KLRG1: variants seen among roughly 807,000 people sequenced by gnomAD.
The protein encoded by KLRG1 is killer cell lectin like receptor G1.
KLRG1 carries 16 observed loss-of-function variants against 21.8 expected under a neutral mutation model. The ratio of observed to expected loss-of-function variants is 0.73; its 90% CI spans 0.50 to 1.11. The LOEUF (loss-of-function observed/expected upper bound fraction) is 1.11, where lower values mean the gene tolerates loss of function less well. KLRG1 is among the 50% of genes most tolerant of loss of function. The probability of loss-of-function intolerance (pLI) is 0.00; values close to 1 mark genes in which losing one functional copy is unlikely to be tolerated. For synonymous variants in KLRG1, 69 were observed against 75.9 expected, an observed-to-expected ratio of 0.91 and a Z score of 0.47; for missense variants, 173 against 218.3, an observed-to-expected ratio of 0.79 and a Z score of 1.31.
chr12:8,967,134 A>G (rs986593001), intron 1 of KLRG1, among the ~76,000 whole-genome samples: 7 of 138,584 alleles, frequency 5.1e-5, no homozygotes, highest in South Asian at 2.4e-4. Flanking sequence ...GACTTGAACT[A>G]TGAGAACACA....
chr12:9,175,970 A>G, the KLRG1 span, among the ~76,000 whole-genome samples: 6 of 152,232 alleles, frequency 3.9e-5, no homozygotes, highest in Admixed American at 6.5e-5. Flanking sequence ...GTATAGCCAT[A>G]GGAATATAAA....
the KLRG1 span, among the ~76,000 whole-genome samples, chr12:9,208,039 A>G: frequency 1.3e-5 from 2 of 152,202 alleles, no homozygotes; most frequent in African/African-American, 4.8e-5. Flanking sequence ...CTTCCTAGTG[A>G]CTAATCGTAT....
intron 1 of KLRG1, among the ~76,000 whole-genome samples, chr12:8,964,141 T>C (rs1220573725): frequency 6.6e-6 from 1 of 152,230 alleles, no homozygotes; most frequent in Non-Finnish European, 1.5e-5. Context: ...GTGTCAATTT[T>C]AGATCTTTCC....
the KLRG1 span, among the ~76,000 whole-genome samples, chr12:9,155,678 T>G: frequency 6.6e-6 from 1 of 152,168 alleles, no homozygotes; most frequent in Non-Finnish European, 1.5e-5. Context: ...TCAAATGAGT[T>G]TGAATGCATT....
At chr12:9,150,514 A>G in the KLRG1 span, 2 of 622,350 alleles carry the variant, frequency 3.2e-6, no homozygotes, top group Admixed American at 3.4e-5. Flanking sequence ...AGTCGTTTTT[A>G]TAGTGTACAT....
chr12:9,070,803 T>C, the KLRG1 span, among the ~76,000 whole-genome samples: 1 of 150,814 alleles, frequency 6.6e-6, no homozygotes, highest in Non-Finnish European at 1.5e-5. Flanking sequence ...GAATGTCTAG[T>C]GTATGGGGGC....
chr12:9,020,977 A>C, the KLRG1 span, among the ~76,000 whole-genome samples: 1,558 of 152,306 alleles, frequency 0.01, 25 homozygotes, highest in African/African-American at 0.035. Flanking sequence ...TTAGGCTGCA[A>C]ACCTGCACAG....
intron 3 of KLRG1, among the ~76,000 whole-genome samples, chr12:9,007,257 CTTTAT>C (rs1370891416): frequency 1.3e-5 from 2 of 151,946 alleles, no homozygotes; most frequent in East Asian, 3.9e-4. Flanking sequence ...TTTTGCCTCT[CTTTAT>C]TTTATTTTGT....
the KLRG1 span, among the ~76,000 whole-genome samples, chr12:9,193,511 G>A: frequency 7.2e-4 from 109 of 152,116 alleles, no homozygotes; most frequent in African/African-American, 2.4e-3. Flanking sequence ...GAGAGTGAGT[G>A]TCTATCACAT....
chr12:9,045,127 C>A, the KLRG1 span, among the ~76,000 whole-genome samples: 1 of 152,154 alleles, frequency 6.6e-6, no homozygotes, highest in African/African-American at 2.4e-5. Flanking sequence ...CACTGCCACC[C>A]TCACAACAAG....
the KLRG1 span, chr12:9,074,855 C>T: frequency 5.5e-6 from 8 of 1,454,968 alleles, no homozygotes; most frequent in African/African-American, 8.5e-5. Context: ...AGTACCCAAG[C>T]CAGTGCTGAA....
chr12:9,060,217 CTTCA>C, the KLRG1 span, among the ~76,000 whole-genome samples: 1 of 134,744 alleles, frequency 7.4e-6, no homozygotes, highest in Non-Finnish European at 1.7e-5. Flanking sequence ...AGAGACGGGG[CTTCA>C]TTGTGTTAGC....
chr12:9,202,728 T>C, the KLRG1 span: 1 of 1,564,854 alleles, frequency 6.4e-7, no homozygotes. Flanking sequence ...CTGTGCAGTC[T>C]TCTCCCTCTG....
chr12:9,107,312 G>A, the KLRG1 span, among the ~76,000 whole-genome samples: 5 of 152,056 alleles, frequency 3.3e-5, no homozygotes, highest in African/African-American at 7.2e-5. Flanking sequence ...ATGGCTCAGT[G>A]TCTATCGTTC....
chr12:9,136,748 T>C, the KLRG1 span, among the ~76,000 whole-genome samples: 2 of 152,214 alleles, frequency 1.3e-5, no homozygotes, highest in East Asian at 1.9e-4. Context: ...TATCTCATTG[T>C]GGTTTTGATT....
chr12:8,995,185 A>G lies in KLRG1; in HGVS notation c.254A>G (p.His85Arg), dbSNP rs1331602682. ...GACCGCTGGATGAAATATGGTAACC[A>G]TTGTTATTATTTCTCAGTGGAGGAA... ...CPDRWMKYGN[H>R]CYYFSVEEKD... Residue 85 changes from histidine to arginine, a missense_variant, in exon 3 of 5, where the codon CAT (histidine) becomes CGT (arginine). Transcript: ENST00000356986. The G allele has an allele frequency of 3.1e-6, 5 of 1,613,652 alleles. No homozygotes were observed. The highest frequency in any genetic ancestry group is 3.4e-6 in the Non-Finnish European group (4 of 1,179,844).
At chr12:9,132,247 T>C in the KLRG1 span, among the ~76,000 whole-genome samples, 1 of 152,246 alleles carries the variant, frequency 6.6e-6, no homozygotes, top group Admixed American at 6.5e-5. Context: ...CTATGGACTT[T>C]CCTATTTGTT....
chr12:9,134,251 C>T, the KLRG1 span, among the ~76,000 whole-genome samples: 3 of 152,162 alleles, frequency 2.0e-5, no homozygotes, highest in Non-Finnish European at 4.4e-5. Flanking sequence ...CATCATTCCC[C>T]ACCTCAAGTG....
the KLRG1 span, among the ~76,000 whole-genome samples, chr12:9,113,913 C>T: frequency 4.6e-5 from 7 of 152,112 alleles, no homozygotes; most frequent in African/African-American, 1.4e-4. Flanking sequence ...CTCAGTCATG[C>T]GGACATTACA....
Sources: gnomAD v4.1 joint callset for allele counts (sites outside exome capture counted in the v4.1 genomes callset) on GRCh38, gnomAD v4.1.1 for gene constraint, MANE v1.5 for transcripts, NCBI Gene and HGNC (gene_info 2026-07-23, HGNC 2026-07-21) for gene names.